DMRT1: variants seen among roughly 807,000 people sequenced by gnomAD.
DMRT1 encodes doublesex and mab-3 related transcription factor 1.
DMRT1 carries 7 observed loss-of-function variants against 32.3 expected under a neutral mutation model. That is an observed-to-expected ratio of 0.22 (90% CI 0.12 to 0.41). The LOEUF (loss-of-function observed/expected upper bound fraction) is 0.41. DMRT1 is among the 10% of genes least tolerant of loss of function. The probability of loss-of-function intolerance (pLI) is 1.00; values close to 1 mark genes in which losing one functional copy is unlikely to be tolerated. For synonymous variants in DMRT1, 278 were observed against 206.1 expected (o/e 1.35, Z -2.99); for missense variants, 625 against 500.5 (o/e 1.25, Z -2.37).
intron 3 of DMRT1, among the ~76,000 whole-genome samples, chr9:912,037 C>G (rs2129745325): frequency 6.6e-6 from 1 of 152,248 alleles, no homozygotes; most frequent in East Asian, 1.9e-4. Context: ...CTAATTAACT[C>G]ACAGGTCCGC....
chr9:927,197 AG>A (rs1259012169), intron 4 of DMRT1, among the ~76,000 whole-genome samples: 3 of 152,236 alleles, frequency 2.0e-5, no homozygotes, highest in Non-Finnish European at 2.9e-5. Context: ...CCTTCAGGAA[AG>A]GTGTGCTGTC....
chr9:913,183 A>G lies in DMRT1; in HGVS notation c.823-3580A>G, dbSNP rs10977449. On this transcript the variant is annotated intron_variant, in intron 3 of 4. Coordinates refer to ENST00000382276, the MANE Select transcript of DMRT1 (RefSeq NM_021951.3). ...TGCAGAGCATTTAGGCCCAAATCCTATCTGTTTTCTTGTACCCTGGCAAAA... is the reference window on the plus strand; with the variant it reads ...TGCAGAGCATTTAGGCCCAAATCCTGTCTGTTTTCTTGTACCCTGGCAAAA... Among the ~76,000 whole-genome samples the G allele has an allele frequency of 1.1e-3, 165 of 152,340 alleles. No homozygotes were observed. In the East Asian group the frequency reaches 0.019, roughly 18 times the overall value.
In DMRT1 at chr9:841,929, T is replaced by G. The variant is rs752515109; in HGVS notation, c.91T>G (p.Phe31Val). ...ACCGCCGCAGGGCAGAGCCGGGGGC[T>G]TTGGCAAAGCGTCTGGGGCGCTAGT... The part of the protein sequence containing the change: ...GVPPQGRAGG[F>V]GKASGALVGA... Residue 31 changes from phenylalanine (F) to valine (V), a missense_variant, in exon 1 of 5, where the codon TTT becomes GTT. Physicochemically the swap from Phe to Val is conservative, Grantham distance 50. Transcript: ENST00000382276. 4 of 1,605,980 alleles carry G rather than the reference T, an allele frequency of 2.5e-6. No individual in the cohort carries two copies. The Admixed American group carries it at 6.7e-5, about 27-fold the overall frequency.
At chr9:921,490 T>G (rs1276241857) in intron 4 of DMRT1, among the ~76,000 whole-genome samples, 1 of 152,196 alleles carries the variant, frequency 6.6e-6, no homozygotes, top group Non-Finnish European at 1.5e-5. Context: ...CTGATTTCAC[T>G]TCTTCTGGGT....
At chr9:855,973 A>G (rs936826384) in intron 2 of DMRT1, among the ~76,000 whole-genome samples, 2 of 151,644 alleles carry the variant, frequency 1.3e-5, no homozygotes, top group South Asian at 2.1e-4. Context: ...CTGGAGTGCA[A>G]TGGCATGATC....
At chr9:898,609 T>G (rs1817459964) in intron 3 of DMRT1, among the ~76,000 whole-genome samples, 1 of 152,186 alleles carries the variant, frequency 6.6e-6, no homozygotes, top group South Asian at 2.1e-4. Context: ...CTTTTCTGTC[T>G]TCTTTGTAGA....
chr9:895,263 A>G (rs1211684181), intron 3 of DMRT1, among the ~76,000 whole-genome samples: 1 of 152,198 alleles, frequency 6.6e-6, no homozygotes, highest in East Asian at 1.9e-4. Flanking sequence ...CCCGTTTGTT[A>G]GCAGCAGATT....
At chr9:949,949 A>G (rs1554762549) in intron 4 of DMRT1, among the ~76,000 whole-genome samples, 1 of 152,200 alleles carries the variant, frequency 6.6e-6, no homozygotes, top group Non-Finnish European at 1.5e-5. Flanking sequence ...GTCCTTATTC[A>G]TCTGTCTGTC....
chr9:942,511 G>T (rs1393546652), intron 4 of DMRT1, among the ~76,000 whole-genome samples: 1 of 152,176 alleles, frequency 6.6e-6, no homozygotes, highest in African/African-American at 2.4e-5. Flanking sequence ...GAGCTCAAGT[G>T]ATCTGCTTGC....
At chr9:967,864 A>G in intron 4 of DMRT1, 121 bp from the exon 5 acceptor site, 1 of 939,514 alleles carries the variant, frequency 1.1e-6, no homozygotes, top group Non-Finnish European at 1.7e-6. Context: ...CTCAGAATAG[A>G]AATGGAGAGC....
intron 1 of DMRT1, among the ~76,000 whole-genome samples, chr9:844,819 C>G (rs898842844): frequency 1.3e-5 from 2 of 149,324 alleles, no homozygotes; most frequent in Non-Finnish European, 3.0e-5. Flanking sequence ...CTCCTGGGTT[C>G]AAGCGATTCT....
Position 914,905 on chromosome 9 carries a change from C to A in DMRT1, c.823-1858C>A, listed in dbSNP as rs189310579. Among the ~76,000 whole-genome samples, 964 of 152,314 alleles carry A rather than the reference C, an allele frequency of 6.3e-3. 9 individuals carry two copies. The highest frequency in any genetic ancestry group is 0.011 in the Non-Finnish European group (744 of 68,026). ...ACAGCACCATAATACCCAAAGTACA[C>A]TTAAGCCAGTGTTAGTTGGTGAATT... On this transcript the variant is annotated intron_variant, in intron 3 of 4. Coordinates refer to ENST00000382276, the MANE Select transcript of DMRT1 (RefSeq NM_021951.3).
At chr9:916,481 C>G (rs1291963120) in intron 3 of DMRT1, among the ~76,000 whole-genome samples, 4 of 152,138 alleles carry the variant, frequency 2.6e-5, no homozygotes, top group African/African-American at 9.7e-5. Flanking sequence ...AGTGATCTTC[C>G]TACCTCAGCC....
In DMRT1 at chr9:893,896, T is replaced by C; in HGVS notation, c.539-16T>C. 1.2e-6 allele frequency: 2 copies of C among 1,612,400 alleles called. No individual in the cohort carries two copies. The highest frequency in any genetic ancestry group is 2.2e-5 in the South Asian group (2 of 91,062). ...ATTAATACCATGTTGTATTTTTCTTTTTTCTTCCAATTTAGAGGGACGTAT... is the reference window on the plus strand; with the variant it reads ...ATTAATACCATGTTGTATTTTTCTTCTTTCTTCCAATTTAGAGGGACGTAT... On this transcript the variant is annotated splice_polypyrimidine_tract_variant and intron_variant, in intron 2 of 4. Coordinates refer to ENST00000382276, the MANE Select transcript of DMRT1 (RefSeq NM_021951.3).
chr9:926,159 C>T (rs1388333991), intron 4 of DMRT1, among the ~76,000 whole-genome samples: 7 of 88,118 alleles, frequency 7.9e-5, no homozygotes, highest in Non-Finnish European at 1.4e-4. Context: ...AACCCTTCGG[C>T]ATATCAGGTG....
At chr9:863,147 T>TAAAAAAA (rs1298747003) in intron 2 of DMRT1, among the ~76,000 whole-genome samples, 1 of 24,216 alleles carries the variant, frequency 4.1e-5, no homozygotes. Context: ...ATCAGGTCTC[T>TAAAAAAA]ACAAAAAAAA....
In DMRT1 at chr9:842,013, G is replaced by A. The variant is rs778290170; in HGVS notation, c.175G>A (p.Gly59Arg). Residue 59 changes from glycine to arginine, a missense_variant, in exon 1 of 5, where the codon GGG becomes AGG. Transcript: ENST00000382276. ...GSSRGGGSGS[G>R]ASDLGAGSKK... is the part of the protein sequence containing the mutation. ...CAGCAGAGGAGGCGGCTCCGGCTCC[G>A]GGGCGTCGGACCTGGGTGCCGGGAG... The A allele has an allele frequency of 1.9e-6, 3 of 1,552,306 alleles. No homozygotes were observed. The highest frequency in any genetic ancestry group is 2.7e-5 in the African/African-American group (2 of 73,386).
chr9:967,858 G>C, intron 4 of DMRT1, 127 bp from the exon 5 acceptor site: 1 of 906,350 alleles, frequency 1.1e-6, no homozygotes, highest in Non-Finnish European at 1.7e-6. Flanking sequence ...TTTCAACTCA[G>C]AATAGAAATG....
At chr9:879,820 A>G (rs951136464) in intron 2 of DMRT1, among the ~76,000 whole-genome samples, 8 of 152,188 alleles carry the variant, frequency 5.3e-5, no homozygotes, top group Non-Finnish European at 8.8e-5. Context: ...GTATGACTTT[A>G]TAACATTATG....
Sources: allele counts gnomAD v4.1 joint callset (sites outside exome capture counted in the v4.1 genomes callset), GRCh38; gene constraint gnomAD v4.1.1; transcripts MANE v1.5; gene names NCBI Gene and HGNC (gene_info 2026-07-23, HGNC 2026-07-21).